CNTNAP2: variants seen among roughly 807,000 people sequenced by gnomAD.
CNTNAP2 encodes contactin associated protein 2, also known as contactin-associated protein-like 2.
Under a neutral mutation model 155.2 loss-of-function variants are expected in CNTNAP2, and 98 were observed. That is an observed-to-expected ratio of 0.63 (90% CI 0.54 to 0.75). The LOEUF (loss-of-function observed/expected upper bound fraction) is 0.75. Ranked by LOEUF, CNTNAP2 falls within the 30% of genes least tolerant of loss-of-function variation. The pLI is 0.00. For missense variants in CNTNAP2, 1,727 were observed against 1,688.1 expected (o/e 1.02, Z -0.40); for synonymous variants, 651 against 631.2 (o/e 1.03, Z -0.47).
chr7:146,699,856 G>T (rs6944307), intron 1 of CNTNAP2, among the ~76,000 whole-genome samples: 127,170 of 152,020 alleles, frequency 0.84, 53,858 homozygotes, highest in South Asian at 0.93. Flanking sequence ...TAATTTCAGC[G>T]ACTCGGAAGG....
intron 2 of CNTNAP2, among the ~76,000 whole-genome samples, chr7:146,804,191 TAA>T (rs1802928415): frequency 6.6e-6 from 1 of 152,328 alleles, no homozygotes; most frequent in South Asian, 2.1e-4. Flanking sequence ...CCCTCCTCTG[TAA>T]AAGAGATACT....
chr7:148,295,504 T>G (rs1389101940), intron 21 of CNTNAP2, among the ~76,000 whole-genome samples: 1 of 151,948 alleles, frequency 6.6e-6, no homozygotes, highest in Non-Finnish European at 1.5e-5. Flanking sequence ...AATTTTTTTT[T>G]TTTTTGAGAC....
At chr7:146,797,817 C>G (rs551869142) in intron 2 of CNTNAP2, among the ~76,000 whole-genome samples, 2 of 152,314 alleles carry the variant, frequency 1.3e-5, no homozygotes, top group South Asian at 2.1e-4. Flanking sequence ...TTTATCATCT[C>G]TTTCTCTGTC....
At chr7:148,307,113 G>A (rs191942519) in intron 21 of CNTNAP2, among the ~76,000 whole-genome samples, 7 of 152,140 alleles carry the variant, frequency 4.6e-5, no homozygotes, top group African/African-American at 1.7e-4. Flanking sequence ...GGACTGCGAG[G>A]TTCAAGATTC....
chr7:146,530,050 A>G (rs577373372), intron 1 of CNTNAP2, among the ~76,000 whole-genome samples: 1 of 152,268 alleles, frequency 6.6e-6, no homozygotes, highest in South Asian at 2.1e-4. Context: ...TTGTAAAACA[A>G]AAGGAAACTT....
chr7:147,520,043 A>C (rs1445501622), intron 11 of CNTNAP2, among the ~76,000 whole-genome samples: 1 of 152,180 alleles, frequency 6.6e-6, no homozygotes, highest in East Asian at 1.9e-4. Flanking sequence ...GAGTCATTGA[A>C]AGCTTTGGAA....
chr7:147,196,010 T>C (rs1226928702), intron 8 of CNTNAP2, among the ~76,000 whole-genome samples: 2 of 152,098 alleles, frequency 1.3e-5, no homozygotes, highest in African/African-American at 2.4e-5. Context: ...ATGAATATAC[T>C]GTAATACAGT....
At chr7:147,129,085 A>C (rs561596811) in intron 7 of CNTNAP2, among the ~76,000 whole-genome samples, 4 of 152,270 alleles carry the variant, frequency 2.6e-5, no homozygotes, top group Admixed American at 6.5e-5. Flanking sequence ...TGTTAGACTC[A>C]ATATTTCTGG....
At chr7:148,246,412 C>T (rs1368245293) in intron 20 of CNTNAP2, among the ~76,000 whole-genome samples, 2 of 151,960 alleles carry the variant, frequency 1.3e-5, no homozygotes, top group Admixed American at 6.6e-5. Flanking sequence ...CAAAAGCAAC[C>T]GGGTCAACTT....
intron 2 of CNTNAP2, among the ~76,000 whole-genome samples, chr7:146,831,669 CA>C (rs531970313): frequency 0.021 from 359 of 16,806 alleles, no homozygotes; most frequent in South Asian, 0.049. Context: ...AGCAAGACGC[CA>C]AAAAAAAAAA....
rs1350057009 is a variant in CNTNAP2 at position 148,419,718 on chromosome 7, A to C, written c.*4102A>C. ...CTCGGCCTTGCAAATTGCTGGGATT[A>C]CAGGTGTGAGCCACCGTGCCGAGCC... On this transcript the variant is annotated 3_prime_UTR_variant, in exon 24 of 24. Coordinates refer to ENST00000361727, the MANE Select transcript of CNTNAP2 (RefSeq NM_014141.6). The C allele has an allele frequency of 6.6e-6, 1 of 151,788 alleles. No homozygotes were observed. Among genetic ancestry groups the C allele is most frequent in the Non-Finnish European group, 1.5e-5 (1 of 68,096 alleles). 9.4% of individuals were successfully genotyped at this position (151,788 alleles called of 1,614,324 possible).
At chr7:147,236,562 T>A (rs932355995) in intron 8 of CNTNAP2, among the ~76,000 whole-genome samples, 1 of 152,028 alleles carries the variant, frequency 6.6e-6, no homozygotes, top group East Asian at 1.9e-4. Flanking sequence ...TCCTTCAATT[T>A]TTTTTTCTTT....
chr7:147,744,804 C>G (rs1356822319), intron 13 of CNTNAP2, among the ~76,000 whole-genome samples: 2 of 152,086 alleles, frequency 1.3e-5, no homozygotes, highest in South Asian at 4.2e-4. Flanking sequence ...CCAATACTAT[C>G]CTATCAGGGA....
intron 1 of CNTNAP2, among the ~76,000 whole-genome samples, chr7:146,656,999 G>A (rs1391742107): frequency 6.6e-6 from 1 of 152,080 alleles, no homozygotes; most frequent in Non-Finnish European, 1.5e-5. Context: ...TGACTCATAT[G>A]ATATCACTTT....
intron 2 of CNTNAP2, among the ~76,000 whole-genome samples, chr7:146,807,192 A>T (rs1802983556): frequency 6.6e-6 from 1 of 152,182 alleles, no homozygotes; most frequent in South Asian, 2.1e-4. Flanking sequence ...TCTGGTATTG[A>T]TAGTATTTTA....
intron 9 of CNTNAP2, among the ~76,000 whole-genome samples, chr7:147,377,546 CTTTAG>C (rs1406154722): frequency 6.6e-6 from 1 of 151,780 alleles, no homozygotes; most frequent in Non-Finnish European, 1.5e-5. Flanking sequence ...GACACACATC[CTTTAG>C]TTTAGATGGC....
At chr7:148,210,697 G>A (rs1039112057) in intron 18 of CNTNAP2, among the ~76,000 whole-genome samples, 2 of 152,240 alleles carry the variant, frequency 1.3e-5, no homozygotes, top group Admixed American at 6.5e-5. Flanking sequence ...CGGGCCTTTG[G>A]AGAGAATGGC....
intron 1 of CNTNAP2, among the ~76,000 whole-genome samples, chr7:146,443,993 A>G (rs1235179616): frequency 6.6e-6 from 1 of 152,168 alleles, no homozygotes; most frequent in Non-Finnish European, 1.5e-5. Flanking sequence ...TTCTCAGTAG[A>G]ATAAACTGTC....
intron 1 of CNTNAP2, among the ~76,000 whole-genome samples, chr7:146,272,133 G>T (rs1044580167): frequency 6.6e-6 from 1 of 152,136 alleles, no homozygotes; most frequent in Non-Finnish European, 1.5e-5. Context: ...GTTCAGAATG[G>T]CTGGGGAGGC....
Sources: allele counts gnomAD v4.1 joint callset (sites outside exome capture counted in the v4.1 genomes callset), GRCh38; gene constraint gnomAD v4.1.1; transcripts MANE v1.5; gene names NCBI Gene and HGNC (gene_info 2026-07-23, HGNC 2026-07-21).